MGAT4C: variants seen among roughly 807,000 people sequenced by gnomAD.
The protein encoded by MGAT4C is alpha-1,3-mannosyl-glycoprotein 4-beta-N-acetylglucosaminyltransferase C.
Under a neutral mutation model 40.1 loss-of-function variants are expected in MGAT4C, and 19 were observed. The observed-to-expected ratio is 0.47, with a 90% CI of 0.33 to 0.70. MGAT4C has a LOEUF of 0.70. MGAT4C is among the 30% of genes least tolerant of loss of function. MGAT4C has a pLI of 0.02. For missense variants in MGAT4C, 491 were observed against 563.2 expected (o/e 0.87, Z 1.30); for synonymous variants, 181 against 187.1 (o/e 0.97, Z 0.27).
At chr12:86,651,049 C>T (rs1338939421) in intron 2 of MGAT4C, among the ~76,000 whole-genome samples, 1 of 151,812 alleles carries the variant, frequency 6.6e-6, no homozygotes, top group Non-Finnish European at 1.5e-5. Flanking sequence ...AGTAGGTGAG[C>T]AAGTCTTTGG....
intron 2 of MGAT4C, among the ~76,000 whole-genome samples, chr12:86,620,513 T>C (rs1490210211): frequency 2.0e-5 from 3 of 152,130 alleles, no homozygotes; most frequent in East Asian, 1.9e-4. Flanking sequence ...AAATAAACAA[T>C]GTGTACACAT....
At chr12:86,307,610 T>C (rs962660945) in intron 4 of MGAT4C, among the ~76,000 whole-genome samples, 2 of 150,512 alleles carry the variant, frequency 1.3e-5, no homozygotes, top group Admixed American at 6.6e-5. Context: ...CTGTAGAAAA[T>C]TAGACATCTT....
chr12:86,830,711 C>T (rs1463640070), intron 1 of MGAT4C, among the ~76,000 whole-genome samples: 1 of 125,676 alleles, frequency 8.0e-6, no homozygotes, highest in Non-Finnish European at 1.8e-5. Flanking sequence ...AAGATGGCTC[C>T]TAATGAAACA....
intron 4 of MGAT4C, among the ~76,000 whole-genome samples, chr12:86,261,640 A>G (rs1952660461): frequency 6.6e-6 from 1 of 152,114 alleles, no homozygotes; most frequent in African/African-American, 2.4e-5. Flanking sequence ...AATATGCACA[A>G]CCAAGACCAA....
chr12:86,330,202 CAA>C (rs1954630620), intron 4 of MGAT4C, among the ~76,000 whole-genome samples: 1 of 152,146 alleles, frequency 6.6e-6, no homozygotes, highest in Non-Finnish European at 1.5e-5. Flanking sequence ...GAATGTTACA[CAA>C]AGAGGCCAAA....
At chr12:86,048,673 G>T (rs1892633950) in intron 2 of MGAT4C, among the ~76,000 whole-genome samples, 1 of 152,140 alleles carries the variant, frequency 6.6e-6, no homozygotes, top group East Asian at 1.9e-4. Context: ...TTCCAGAATT[G>T]CTGGAAACAT....
chr12:86,795,094 T>C (rs953643946), intron 1 of MGAT4C, among the ~76,000 whole-genome samples: 1 of 152,028 alleles, frequency 6.6e-6, no homozygotes, highest in Non-Finnish European at 1.5e-5. Context: ...ATTTAATATA[T>C]GAATTTGTTT....
chr12:86,481,790 C>CT (rs1202270014), intron 2 of MGAT4C, among the ~76,000 whole-genome samples: 2 of 151,686 alleles, frequency 1.3e-5, no homozygotes, highest in Non-Finnish European at 2.9e-5. Flanking sequence ...TTATTTTTCA[C>CT]TTTTTTTAAA....
chr12:86,471,121 T>C (rs989009170), intron 2 of MGAT4C, among the ~76,000 whole-genome samples: 2 of 151,920 alleles, frequency 1.3e-5, no homozygotes, highest in Middle Eastern at 3.2e-3. Context: ...TTAAAAGAAG[T>C]TTTTTAGGCT....
rs549542501 is a variant in MGAT4C at position 86,308,424 on chromosome 12, AG to A, written c.-57+25640del. On this transcript the variant is annotated intron_variant, in intron 4 of 7. Coordinates refer to the MGAT4C transcript ENST00000548651. ...GGTTTGAATTTACACAAATCTCTTA[AG>A]GCTTATTACCAATAACAAATCCAAA... is the stretch of plus-strand genomic sequence containing the variant. 9.9e-5 allele frequency among the ~76,000 whole-genome samples: 15 copies of A among 150,754 alleles called. 1 individual carries two copies. The South Asian group carries it at 3.1e-3, about 31-fold the overall frequency.
chr12:86,494,984 A>G (rs1285694360), intron 2 of MGAT4C, among the ~76,000 whole-genome samples: 1 of 152,062 alleles, frequency 6.6e-6, no homozygotes, highest in Non-Finnish European at 1.5e-5. Context: ...CCGAAAATAA[A>G]CACATCTAAA....
At chr12:86,338,910 GAT>G (rs1460775935) in intron 3 of MGAT4C, among the ~76,000 whole-genome samples, 1 of 117,822 alleles carries the variant, frequency 8.5e-6, no homozygotes, top group Non-Finnish European at 1.6e-5. Context: ...AGTGAGCTGA[GAT>G]AGTGCCACTG....
chr12:86,740,605 A>G (rs536426878), intron 1 of MGAT4C, among the ~76,000 whole-genome samples: 4 of 151,278 alleles, frequency 2.6e-5, no homozygotes, highest in Admixed American at 6.6e-5. Context: ...AGTTGTTTGT[A>G]CAGTAGAATG....
intron 2 of MGAT4C, among the ~76,000 whole-genome samples, chr12:86,687,805 T>C (rs1040803130): frequency 6.6e-6 from 1 of 152,204 alleles, no homozygotes; most frequent in Non-Finnish European, 1.5e-5. Flanking sequence ...AGAATGTATA[T>C]TCCGTTGATT....
chr12:86,453,550 A>G (rs576771541), intron 2 of MGAT4C, among the ~76,000 whole-genome samples: 2 of 152,098 alleles, frequency 1.3e-5, no homozygotes, highest in Non-Finnish European at 2.9e-5. Flanking sequence ...TCCAGTAGCA[A>G]GTAAGCTAGA....
intron 2 of MGAT4C, among the ~76,000 whole-genome samples, chr12:86,667,898 A>T (rs1423412142): frequency 6.6e-6 from 1 of 152,194 alleles, no homozygotes; most frequent in African/African-American, 2.4e-5. Flanking sequence ...TGCTTTTCTG[A>T]TGCTAGAAAT....
chr12:86,083,097 T>C (rs115599126), intron 1 of MGAT4C, among the ~76,000 whole-genome samples: 2,257 of 152,228 alleles, frequency 0.015, 68 homozygotes, highest in African/African-American at 0.051. Flanking sequence ...TGTCATCTAG[T>C]CAGAAGCTTC....
intron 2 of MGAT4C, among the ~76,000 whole-genome samples, chr12:86,691,879 A>G (rs1950179502): frequency 6.6e-6 from 1 of 152,108 alleles, no homozygotes; most frequent in Non-Finnish European, 1.5e-5. Flanking sequence ...GCATTAAAGT[A>G]TTTACAAGAC....
chr12:86,552,277 A>G (rs1565844110), intron 2 of MGAT4C, among the ~76,000 whole-genome samples: 1 of 152,066 alleles, frequency 6.6e-6, no homozygotes, highest in Non-Finnish European at 1.5e-5. Flanking sequence ...GAGAAATTGA[A>G]AGTTAATCAG....
Sources: allele counts gnomAD v4.1 joint callset (sites outside exome capture counted in the v4.1 genomes callset), GRCh38; gene constraint gnomAD v4.1.1; transcripts MANE v1.5; gene names NCBI Gene and HGNC (gene_info 2026-07-23, HGNC 2026-07-21).